Variants in KIAA0825 observed in about 807,000 individuals in gnomAD.
KIAA0825 encodes the protein KIAA0825, also known as uncharacterized protein KIAA0825.
Under a neutral mutation model 147.6 loss-of-function variants are expected in KIAA0825, and 119 were observed. That is an observed-to-expected ratio of 0.81 (90% CI 0.69 to 0.94). KIAA0825 has a LOEUF of 0.94. Among genes scored for constraint, KIAA0825 ranks in the 40% least tolerant of loss-of-function variants. The pLI, the probability that KIAA0825 is intolerant of heterozygous loss-of-function variation, is 0.00. For missense variants in KIAA0825, 1,381 were observed against 1,472.7 expected (o/e 0.94, Z 1.02); for synonymous variants, 470 against 518.1 (o/e 0.91, Z 1.26).
At chr5:94,398,327 A>T (rs1750941248) in intron 16 of KIAA0825, among the ~76,000 whole-genome samples, 1 of 152,174 alleles carries the variant, frequency 6.6e-6, no homozygotes, top group African/African-American at 2.4e-5. Context: ...TTATAAGATC[A>T]GTCTCTTGAG....
chr5:94,218,394 C>G (rs1289678088), intron 20 of KIAA0825, among the ~76,000 whole-genome samples: 1 of 152,202 alleles, frequency 6.6e-6, no homozygotes, highest in Non-Finnish European at 1.5e-5. Flanking sequence ...ACTTCACAGG[C>G]TGGGTTAGGG....
chr5:94,209,994 C>T (rs572847900), intron 20 of KIAA0825, among the ~76,000 whole-genome samples: 9 of 152,284 alleles, frequency 5.9e-5, no homozygotes, highest in Middle Eastern at 6.8e-3. Flanking sequence ...GCCACTGCTT[C>T]GACATGATTT....
chr5:94,292,585 T>A (rs1426804769), intron 20 of KIAA0825, among the ~76,000 whole-genome samples: 1 of 152,178 alleles, frequency 6.6e-6, no homozygotes, highest in Non-Finnish European at 1.5e-5. Context: ...TCTTTTTTTG[T>A]TGTGTCTTTG....
chr5:94,277,012 A>G (rs1316639928), intron 20 of KIAA0825, among the ~76,000 whole-genome samples: 2 of 151,856 alleles, frequency 1.3e-5, no homozygotes, highest in East Asian at 3.9e-4. Flanking sequence ...GCTCAACTCT[A>G]CTCTTCTTTT....
chr5:94,364,506 C>T lies in KIAA0825; in HGVS notation c.3710+19862G>A, dbSNP rs528070832. The stretch of plus-strand genomic sequence containing the variant: ...ACGCCATTCTCCTGCCTCAGCCTCC[C>T]GAGTAGCTGGGACTACAGGCACCTG... On this transcript the variant is annotated intron_variant, in intron 20 of 20. Transcript: ENST00000682413. Among the ~76,000 whole-genome samples the T allele has an allele frequency of 5.0e-3, 758 of 152,080 alleles. 8 individuals carry two copies. Among genetic ancestry groups the T allele is most frequent in the Non-Finnish European group, 5.4e-3 (370 of 67,990 alleles).
intron 2 of KIAA0825, among the ~76,000 whole-genome samples, chr5:94,577,608 A>G (rs1781315847): frequency 6.6e-6 from 1 of 152,204 alleles, no homozygotes; most frequent in South Asian, 2.1e-4. Context: ...TCCTTTTACA[A>G]ATCAGCTTTC....
intron 14 of KIAA0825, among the ~76,000 whole-genome samples, chr5:94,438,379 T>A (rs1584491850): frequency 6.6e-6 from 1 of 152,310 alleles, no homozygotes; most frequent in East Asian, 1.9e-4. Flanking sequence ...TAAATGTTGT[T>A]TATGTGAGGA....
intron 20 of KIAA0825, among the ~76,000 whole-genome samples, chr5:94,221,277 T>C (rs2150064445): frequency 6.6e-6 from 1 of 152,090 alleles, no homozygotes; most frequent in South Asian, 2.1e-4. Flanking sequence ...TCTCTAGGAG[T>C]TGCCACTTGA....
intron 15 of KIAA0825, among the ~76,000 whole-genome samples, chr5:94,411,296 T>C (rs1752734325): frequency 6.6e-6 from 1 of 150,846 alleles, no homozygotes; most frequent in East Asian, 1.9e-4. Context: ...AAAATGAAGA[T>C]TAGATAGAAC....
intron 20 of KIAA0825, among the ~76,000 whole-genome samples, chr5:94,233,392 G>C (rs148944682): frequency 6.6e-6 from 1 of 152,288 alleles, no homozygotes; most frequent in Admixed American, 6.5e-5. Context: ...CCTTTTCAAA[G>C]GAGTAGGTCA....
At chr5:94,457,830 G>A (rs149711042) in intron 12 of KIAA0825, among the ~76,000 whole-genome samples, 53 of 152,244 alleles carry the variant, frequency 3.5e-4, no homozygotes, top group African/African-American at 1.2e-3. Flanking sequence ...CTCATAATAC[G>A]ATGTTAATGG....
chr5:94,484,203 A>G (rs1401506648), intron 6 of KIAA0825, among the ~76,000 whole-genome samples: 1 of 151,730 alleles, frequency 6.6e-6, no homozygotes, highest in East Asian at 1.9e-4. Flanking sequence ...TTAACAACTC[A>G]CATTTATTGA....
intron 2 of KIAA0825, chr5:94,568,089 A>G (rs1224001513): frequency 1.2e-5 from 2 of 164,576 alleles, no homozygotes; most frequent in African/African-American, 4.8e-5. Context: ...ATCGGCATCA[A>G]CCAACCATAC....
chr5:94,432,266 A>G (rs1212037380), intron 14 of KIAA0825, among the ~76,000 whole-genome samples: 1 of 152,158 alleles, frequency 6.6e-6, no homozygotes, highest in Non-Finnish European at 1.5e-5. Flanking sequence ...AGAGAAACAC[A>G]TAATCCATAA....
At chr5:94,449,333 GAA>G (rs1307133877) in intron 13 of KIAA0825, among the ~76,000 whole-genome samples, 1 of 152,048 alleles carries the variant, frequency 6.6e-6, no homozygotes, top group Non-Finnish European at 1.5e-5. Context: ...GAGATATAAT[GAA>G]AACAGTCTTT....
chr5:94,261,694 T>C (rs897894081), intron 20 of KIAA0825, among the ~76,000 whole-genome samples: 47 of 152,252 alleles, frequency 3.1e-4, no homozygotes, highest in African/African-American at 1.1e-3. Context: ...AACCAATCTA[T>C]ACTGTTGTCC....
chr5:94,362,045 A>C (rs1384772871), intron 20 of KIAA0825, among the ~76,000 whole-genome samples: 1 of 152,248 alleles, frequency 6.6e-6, no homozygotes. Flanking sequence ...ATCTTGTCTG[A>C]AGAGCCATCA....
chr5:94,411,144 T>G (rs1016449892), intron 15 of KIAA0825, among the ~76,000 whole-genome samples: 1 of 152,106 alleles, frequency 6.6e-6, no homozygotes, highest in Admixed American at 6.6e-5. Flanking sequence ...ATAATGTTAT[T>G]AAAAAGTAAA....
intron 20 of KIAA0825, among the ~76,000 whole-genome samples, chr5:94,187,241 T>G (rs1770202525): frequency 6.6e-6 from 1 of 151,826 alleles, no homozygotes; most frequent in East Asian, 1.9e-4. Flanking sequence ...AAATTCTGAT[T>G]AGATGGCTTG....
Sources: allele counts gnomAD v4.1 joint callset (sites outside exome capture counted in the v4.1 genomes callset), GRCh38; gene constraint gnomAD v4.1.1; transcripts MANE v1.5; gene names NCBI Gene and HGNC (gene_info 2026-07-23, HGNC 2026-07-21).